The following RBFOX1 variants were observed in gnomAD, a reference collection of about 807,000 sequenced individuals.
RBFOX1 encodes the protein RNA binding fox-1 homolog 1, also known as RNA binding protein fox-1 homolog 1.
RBFOX1 carries 8 observed loss-of-function variants against 57.7 expected under a neutral mutation model. That is an observed-to-expected ratio of 0.14 (90% CI 0.08 to 0.25). The LOEUF is 0.25. Among genes scored for constraint, RBFOX1 ranks in the 10% least tolerant of loss-of-function variants. The pLI is 1.00. For synonymous variants in RBFOX1, 326 were observed against 222.4 expected (o/e 1.47, Z -4.15); for missense variants, 611 against 548.5 (o/e 1.11, Z -1.14).
chr16:6,922,921 T>C (rs973145038), intron 3 of RBFOX1, among the ~76,000 whole-genome samples: 2 of 152,204 alleles, frequency 1.3e-5, no homozygotes, highest in East Asian at 3.8e-4. Flanking sequence ...GTATTTCCTT[T>C]TGGCCATTTT....
chr16:6,488,135 G>T (rs567111186), intron 2 of RBFOX1, among the ~76,000 whole-genome samples: 1 of 152,102 alleles, frequency 6.6e-6, no homozygotes, highest in Non-Finnish European at 1.5e-5. Flanking sequence ...GACCCCTAAA[G>T]GGCTGTATAT....
chr16:7,423,551 C>G (rs74012571), intron 4 of RBFOX1, among the ~76,000 whole-genome samples: 1 of 151,992 alleles, frequency 6.6e-6, no homozygotes, highest in Non-Finnish European at 1.5e-5. Flanking sequence ...TCTGTACTTT[C>G]GATTTCACAG....
chr16:5,860,010 A>T (rs1038164496), intron 3 of RBFOX1, among the ~76,000 whole-genome samples: 9 of 152,178 alleles, frequency 5.9e-5, no homozygotes, highest in African/African-American at 2.2e-4. Flanking sequence ...AGGCTATCTT[A>T]GGATAGTCAA....
intron 3 of RBFOX1, among the ~76,000 whole-genome samples, chr16:5,850,592 C>T (rs754958054): frequency 2.0e-5 from 3 of 152,192 alleles, no homozygotes; most frequent in Non-Finnish European, 4.4e-5. Flanking sequence ...TGCATGTTTA[C>T]TCCCAGAACT....
chr16:6,850,754 A>T (rs768578796), intron 3 of RBFOX1, among the ~76,000 whole-genome samples: 2 of 152,238 alleles, frequency 1.3e-5, no homozygotes, highest in Non-Finnish European at 2.9e-5. Flanking sequence ...GCTGTCAAAG[A>T]TCACTCAAAT....
At chr16:6,978,663 C>G (rs1166762538) in intron 3 of RBFOX1, among the ~76,000 whole-genome samples, 1 of 152,092 alleles carries the variant, frequency 6.6e-6, no homozygotes, top group Non-Finnish European at 1.5e-5. Flanking sequence ...TTTGTTGTCC[C>G]TTTCTTACCG....
intron 4 of RBFOX1, among the ~76,000 whole-genome samples, chr16:7,300,115 T>C (rs1377828934): frequency 6.6e-6 from 1 of 152,208 alleles, no homozygotes. Flanking sequence ...CTGGTTTCCC[T>C]AATTCCCTGA....
chr16:7,213,860 A>G (rs887913161), intron 4 of RBFOX1, among the ~76,000 whole-genome samples: 2 of 152,228 alleles, frequency 1.3e-5, no homozygotes, highest in Non-Finnish European at 2.9e-5. Flanking sequence ...CTGCCCAGCA[A>G]TAGGGGGAAC....
intron 1 of RBFOX1, among the ~76,000 whole-genome samples, chr16:6,065,548 C>G (rs1157390899): frequency 6.6e-6 from 1 of 152,148 alleles, no homozygotes; most frequent in African/African-American, 2.4e-5. Context: ...TTTGACATGC[C>G]CGTAACCTGC....
In RBFOX1 at chr16:5,674,283, G is replaced by C. The variant is rs372584185; in HGVS notation, c.318+75322G>C. Among the ~76,000 whole-genome samples, 4 of 152,322 alleles carry C rather than the reference G, an allele frequency of 2.6e-5. No homozygotes were observed. In the East Asian group the frequency reaches 5.8e-4, roughly 22 times the overall value. On this transcript the variant is annotated intron_variant, in intron 3 of 19. Coordinates refer to the RBFOX1 transcript ENST00000641259. ...ACCTGATTTAGGGTTCAGAGAAGCT[G>C]TTTCTGAGTAACAAAGACTTGAAGG...
intron 1 of RBFOX1, among the ~76,000 whole-genome samples, chr16:6,218,040 C>A (rs2152871258): frequency 6.6e-6 from 1 of 152,150 alleles, no homozygotes; most frequent in South Asian, 2.1e-4. Flanking sequence ...AAAAACGTTG[C>A]ATGAATGAAA....
At chr16:6,140,364 T>A (rs544729653) in intron 1 of RBFOX1, among the ~76,000 whole-genome samples, 2 of 152,116 alleles carry the variant, frequency 1.3e-5, no homozygotes, top group African/African-American at 4.8e-5. Context: ...GCTAATTTTT[T>A]AATATTTTTT....
chr16:5,816,877 T>G (rs7199980), intron 3 of RBFOX1, among the ~76,000 whole-genome samples: 109,619 of 152,038 alleles, frequency 0.72, 39,888 homozygotes, highest in African/African-American at 0.81. Flanking sequence ...AATTTTTGTG[T>G]GTACATAGTA....
intron 3 of RBFOX1, among the ~76,000 whole-genome samples, chr16:5,696,954 C>G (rs980345808): frequency 6.6e-6 from 1 of 151,868 alleles, no homozygotes; most frequent in Non-Finnish European, 1.5e-5. Context: ...ATTCTCTTGC[C>G]CAGGCTGGAG....
intron 1 of RBFOX1, among the ~76,000 whole-genome samples, chr16:6,253,968 G>C (rs77489373): frequency 0.017 from 2,637 of 152,140 alleles, 48 homozygotes; most frequent in East Asian, 0.046. Context: ...AAGTAGGACA[G>C]AACTCTTATA....
Position 5,241,041 on chromosome 16 carries a change from C to G in RBFOX1, c.219+936C>G, listed in dbSNP as rs567162843. Among the ~76,000 whole-genome samples, 5 of 152,332 alleles carry G rather than the reference C, an allele frequency of 3.3e-5. No individual in the cohort carries two copies. The South Asian group carries it at 1.0e-3, about 32-fold the overall frequency. ...ATGTTTGACCATTTGCTCAGCTGAG[C>G]TTGTCTTAATAATTTGATTCGTGGT... On this transcript the variant is annotated intron_variant, in intron 1 of 2. Coordinates refer to the RBFOX1 transcript ENST00000585867.
chr16:6,552,768 A>C lies in RBFOX1; in HGVS notation c.-63-101835A>C, dbSNP rs150534077. ...AAAATTATATAGAAAATGTACACACATATAAATACACATACAATTATATGT... is the reference window on the plus strand; with the variant it reads ...AAAATTATATAGAAAATGTACACACCTATAAATACACATACAATTATATGT... On this transcript the variant is annotated intron_variant, in intron 2 of 15. Transcript: ENST00000550418. 6.3e-4 allele frequency among the ~76,000 whole-genome samples: 96 copies of C among 152,216 alleles called. 2 individuals are homozygous for C. The highest frequency in any genetic ancestry group is 4.0e-3 in the Admixed American group (61 of 15,288).
chr16:5,962,058 A>G (rs1364730068), intron 4 of RBFOX1, among the ~76,000 whole-genome samples: 5 of 152,202 alleles, frequency 3.3e-5, no homozygotes, highest in Non-Finnish European at 7.3e-5. Flanking sequence ...GGTACAAAAT[A>G]GCCCCTGGAG....
At chr16:7,118,594 A>T (rs1008401914) in intron 4 of RBFOX1, among the ~76,000 whole-genome samples, 1 of 152,172 alleles carries the variant, frequency 6.6e-6, no homozygotes, top group Non-Finnish European at 1.5e-5. Context: ...AATAAACCTT[A>T]TATAATCACA....
Sources: gnomAD v4.1 joint callset for allele counts (sites outside exome capture counted in the v4.1 genomes callset) on GRCh38, gnomAD v4.1.1 for gene constraint, MANE v1.5 for transcripts, NCBI Gene and HGNC (gene_info 2026-07-23, HGNC 2026-07-21) for gene names.